Variants in CTTNBP2NL observed in about 807,000 individuals in gnomAD.
CTTNBP2NL encodes the protein CTTNBP2 N-terminal-like protein.
CTTNBP2NL carries 16 observed loss-of-function variants against 32.5 expected under a neutral mutation model. That is an observed-to-expected ratio of 0.49 (90% confidence interval 0.33 to 0.75). The LOEUF is 0.75. Among genes scored for constraint, CTTNBP2NL ranks in the 30% least tolerant of loss-of-function variants. CTTNBP2NL has a pLI of 0.02. For synonymous variants in CTTNBP2NL, 298 were observed against 289.4 expected, an observed-to-expected ratio of 1.03 and a Z score of -0.30; for missense variants, 645 against 756.0, an observed-to-expected ratio of 0.85 and a Z score of 1.72.
At chr1:112,436,334 A>G in intron 3 of CTTNBP2NL, among the ~76,000 whole-genome samples, 1 of 152,210 alleles carries the variant, frequency 6.6e-6, no homozygotes. Flanking sequence ...GGCCTAGAAT[A>G]GAGCCAGTTT....
intron 1 of CTTNBP2NL, among the ~76,000 whole-genome samples, chr1:112,406,875 C>T (rs1490348232): frequency 6.6e-6 from 1 of 151,944 alleles, no homozygotes; most frequent in Non-Finnish European, 1.5e-5. Context: ...AAATGTTGAC[C>T]CTAAAAAATA....
chr1:112,405,898 GT>G (rs1648648548), intron 1 of CTTNBP2NL, among the ~76,000 whole-genome samples: 1 of 152,126 alleles, frequency 6.6e-6, no homozygotes, highest in African/African-American at 2.4e-5. Context: ...AAAAAGACAT[GT>G]ATGCGGCCGG....
At chr1:112,430,037 G>A (rs61818734) in intron 3 of CTTNBP2NL, among the ~76,000 whole-genome samples, 1 of 152,074 alleles carries the variant, frequency 6.6e-6, no homozygotes, top group African/African-American at 2.4e-5. Context: ...GTACAGGACA[G>A]GCTATTCATA....
chr1:112,412,639 CAG>C (rs1434924991), intron 2 of CTTNBP2NL, among the ~76,000 whole-genome samples: 6 of 106,966 alleles, frequency 5.6e-5, no homozygotes, highest in Non-Finnish European at 8.6e-5. Context: ...TTTTTTGACA[CAG>C]AGTCTCACTG....
chr1:112,404,254 A>G (rs1214659379), intron 1 of CTTNBP2NL, among the ~76,000 whole-genome samples: 2 of 152,250 alleles, frequency 1.3e-5, no homozygotes, highest in Non-Finnish European at 2.9e-5. Flanking sequence ...GTTGTTGGAA[A>G]TATTCAACTG....
Position 112,454,495 on chromosome 1 carries a change from C to A in CTTNBP2NL, c.377C>A (p.Thr126Lys). 1 of 1,613,786 alleles carries A rather than the reference C, an allele frequency of 6.2e-7. No individual in the cohort carries two copies. The highest frequency in any genetic ancestry group is 8.5e-7 in the Non-Finnish European group (1 of 1,179,746). The change falls in exon 5 of 6, where the codon ACG (threonine) becomes AAG (lysine). Residue 126 changes from threonine to lysine, a missense_variant. Physicochemically the swap from Thr to Lys is moderately conservative, Grantham distance 78 (BLOSUM62 -1). Coordinates refer to ENST00000271277, the MANE Select transcript of CTTNBP2NL (RefSeq NM_018704.3). ...EEERQRHAQD[T>K]AEGDDVTYML... Reference sequence around the variant, plus strand: ...GAAAGGCAGCGGCATGCACAGGATACGGCTGAAGGAGATGATGTCACCTAC... The same window carrying A: ...GAAAGGCAGCGGCATGCACAGGATAAGGCTGAAGGAGATGATGTCACCTAC...
At chr1:112,439,800 C>T (rs545601907) in intron 3 of CTTNBP2NL, among the ~76,000 whole-genome samples, 39 of 152,288 alleles carry the variant, frequency 2.6e-4, no homozygotes, top group East Asian at 7.7e-4. Context: ...ATTAGATTGC[C>T]GATTGCTCCA....
Position 112,456,369 on chromosome 1 carries a change from C to A in CTTNBP2NL, c.877C>A (p.Pro293Thr), listed in dbSNP as rs932331742. ...HSSPNEQLKKPVTVSKGTATE... is the reference protein window; with the variant it reads ...HSSPNEQLKKTVTVSKGTATE... ...TAGCCCTAATGAGCAATTGAAGAAACCAGTAACCGTGTCCAAAGGCACAGC... is the reference window on the plus strand; with the variant it reads ...TAGCCCTAATGAGCAATTGAAGAAAACAGTAACCGTGTCCAAAGGCACAGC... Residue 293 changes from proline to threonine, a missense_variant, in exon 6 of 6, where the codon CCA becomes ACA. Transcript: ENST00000271277. The A allele has an allele frequency of 5.6e-6, 9 of 1,614,024 alleles. No homozygotes were observed. The highest frequency in any genetic ancestry group is 7.6e-6 in the Non-Finnish European group (9 of 1,180,028).
At chr1:112,451,269 T>G (rs1429106197) in intron 4 of CTTNBP2NL, among the ~76,000 whole-genome samples, 1 of 151,160 alleles carries the variant, frequency 6.6e-6, no homozygotes, top group Admixed American at 6.6e-5. Flanking sequence ...CGCCTCCCTT[T>G]CCTCTCCTTA....
chr1:112,395,518 G>C (rs1419041), upstream of CTTNBP2NL, among the ~76,000 whole-genome samples: 70,071 of 152,096 alleles, frequency 0.46, 18,698 homozygotes, highest in African/African-American at 0.75. Flanking sequence ...AAAGAAAAAA[G>C]TCGCCTCAGC....
intron 1 of CTTNBP2NL, among the ~76,000 whole-genome samples, chr1:112,405,447 G>A (rs908482503): frequency 5.9e-5 from 9 of 152,050 alleles, no homozygotes; most frequent in East Asian, 1.9e-4. Context: ...ACAGGTGTGC[G>A]CCACCATGCC....
At position 112,456,396 on chromosome 1, in the gene CTTNBP2NL, A is replaced by G. The variant is rs1650364332; in HGVS notation, c.904A>G (p.Thr302Ala). 3 of 1,614,106 alleles carry G rather than the reference A, an allele frequency of 1.9e-6. No individual in the cohort carries two copies. Among genetic ancestry groups the G allele is most frequent in the Non-Finnish European group, 1.7e-6 (2 of 1,180,032 alleles). The change falls in exon 6 of 6, where the codon ACT (threonine) becomes GCT (alanine). Residue 302 changes from threonine (T) to alanine (A), a missense_variant. By Grantham distance (58) the Thr-to-Ala change is moderately conservative. Coordinates refer to ENST00000271277, the MANE Select transcript of CTTNBP2NL (RefSeq NM_018704.3). The stretch of plus-strand genomic sequence containing the variant: ...AGTAACCGTGTCCAAAGGCACAGCA[A>G]CTGAGCCTCTCATGCTAATGTCTGT... ...KPVTVSKGTA[T>A]EPLMLMSVFC...
At chr1:112,437,334 G>A (rs1649763846) in intron 3 of CTTNBP2NL, among the ~76,000 whole-genome samples, 1 of 152,194 alleles carries the variant, frequency 6.6e-6, no homozygotes, top group South Asian at 2.1e-4. Flanking sequence ...TGACTGGTAT[G>A]AGATGGTATC....
intron 5 of CTTNBP2NL, 137 bp from the exon 6 acceptor site, chr1:112,455,794 G>A (rs1650342946): frequency 1.6e-6 from 1 of 629,058 alleles, no homozygotes; most frequent in East Asian, 2.8e-5. Context: ...TTTGTGTTAG[G>A]TGTTCTAAAA....
intron 3 of CTTNBP2NL, among the ~76,000 whole-genome samples, chr1:112,416,659 A>G (rs1649075665): frequency 6.6e-6 from 1 of 151,894 alleles, no homozygotes; most frequent in African/African-American, 2.4e-5. Context: ...TGCCCAGCTA[A>G]TTTTTGTATT....
At position 112,459,994 on chromosome 1, in the gene CTTNBP2NL, A is replaced by G. The variant is rs1570751539; in HGVS notation, c.*2582A>G. On this transcript the variant is annotated 3_prime_UTR_variant, in exon 6 of 6. Coordinates refer to ENST00000271277, the MANE Select transcript of CTTNBP2NL (RefSeq NM_018704.3). Reference sequence around the variant, plus strand: ...AATGGATCCAATAACCCAGTTAGGTATTATAGATTAGTATTTAAGTTTGCT... The same window carrying G: ...AATGGATCCAATAACCCAGTTAGGTGTTATAGATTAGTATTTAAGTTTGCT... 2 of 152,300 alleles carry G rather than the reference A, an allele frequency of 1.3e-5. No individual in the cohort carries two copies. Among genetic ancestry groups the G allele is most frequent in the South Asian group, 2.1e-4 (1 of 4,826 alleles). The allele number at this position is 152,300 out of a possible 1,614,324, so 9.4% of individuals were successfully genotyped here.
chr1:112,392,253 T>A (rs1570705840), upstream of CTTNBP2NL, among the ~76,000 whole-genome samples: 3 of 152,308 alleles, frequency 2.0e-5, no homozygotes, highest in Admixed American at 2.0e-4. Context: ...GTGCCTCAAT[T>A]TCCTCACCTG....
In CTTNBP2NL at chr1:112,427,526, A is replaced by G. The variant is rs552939844; in HGVS notation, c.99+11262A>G. On this transcript the variant is annotated intron_variant, in intron 3 of 5. Coordinates refer to ENST00000271277, the MANE Select transcript of CTTNBP2NL (RefSeq NM_018704.3). ...AAAATCCATTTACGAAACATTTTGTATAAGTTAACTTCCAATTACCCCTCA... is the reference window on the plus strand; with the variant it reads ...AAAATCCATTTACGAAACATTTTGTGTAAGTTAACTTCCAATTACCCCTCA... Among the ~76,000 whole-genome samples the G allele has an allele frequency of 3.7e-4, 56 of 152,340 alleles. No homozygotes were observed. In the Middle Eastern group the frequency reaches 0.01, roughly 28 times the overall value.
At chr1:112,401,201 A>T (rs1374338338) in intron 1 of CTTNBP2NL, among the ~76,000 whole-genome samples, 1 of 152,164 alleles carries the variant, frequency 6.6e-6, no homozygotes, top group Non-Finnish European at 1.5e-5. Context: ...TTTTGTTTTA[A>T]ATTTTTCAAC....
Sources: allele counts gnomAD v4.1 joint callset (sites outside exome capture counted in the v4.1 genomes callset), GRCh38; gene constraint gnomAD v4.1.1; transcripts MANE v1.5; gene names NCBI Gene and HGNC (gene_info 2026-07-23, HGNC 2026-07-21).